FAM210A: variants seen among roughly 807,000 people sequenced by gnomAD.
FAM210A encodes family with sequence similarity 210 member A.
A neutral mutation model predicts 25.3 loss-of-function variants in FAM210A; 13 were observed. The observed-to-expected ratio is 0.51, with a 90% CI of 0.33 to 0.82. The LOEUF is 0.82. Among genes scored for constraint, FAM210A ranks in the 40% least tolerant of loss-of-function variants. The probability of loss-of-function intolerance (pLI) is 0.02; values close to 1 mark genes in which losing one functional copy is unlikely to be tolerated. For synonymous variants in FAM210A, 125 were observed against 118.7 expected, an observed-to-expected ratio of 1.05 and a Z score of -0.35; for missense variants, 319 against 323.2, an observed-to-expected ratio of 0.99 and a Z score of 0.10.
chr18:13,698,562 C>T (rs374506102), intron 1 of FAM210A, among the ~76,000 whole-genome samples: 35 of 152,028 alleles, frequency 2.3e-4, no homozygotes, highest in African/African-American at 7.5e-4. Flanking sequence ...TTTTGTAAGC[C>T]CCCCCGCCAT....
At chr18:13,715,653 TC>T (rs2043855925) in intron 1 of FAM210A, among the ~76,000 whole-genome samples, 1 of 152,244 alleles carries the variant, frequency 6.6e-6, no homozygotes, top group Non-Finnish European at 1.5e-5. Flanking sequence ...CTTCAAGATA[TC>T]ACCAAACTTG....
At chr18:13,717,810 T>G (rs2043872533) in intron 1 of FAM210A, among the ~76,000 whole-genome samples, 1 of 152,086 alleles carries the variant, frequency 6.6e-6, no homozygotes, top group African/African-American at 2.4e-5. Flanking sequence ...TATGGTATAG[T>G]AGACTAAATG....
At chr18:13,722,500 G>A (rs2043905398) in intron 1 of FAM210A, among the ~76,000 whole-genome samples, 1 of 152,200 alleles carries the variant, frequency 6.6e-6, no homozygotes. Context: ...CCTCCTCAGA[G>A]GTGGAAGAAC....
chr18:13,709,677 A>G (rs1193865125), intron 1 of FAM210A, among the ~76,000 whole-genome samples: 1 of 152,236 alleles, frequency 6.6e-6, no homozygotes, highest in Non-Finnish European at 1.5e-5. Context: ...CCCCAAGAGT[A>G]GAGCTTTTTC....
chr18:13,682,171 G>C, intron 1 of FAM210A, 66 bp from the exon 2 acceptor site: 1 of 1,076,836 alleles, frequency 9.3e-7, no homozygotes, highest in Non-Finnish European at 1.3e-6. Flanking sequence ...CAATTCATTT[G>C]AAAATCAATC....
chr18:13,713,385 A>G (rs1190776353), intron 1 of FAM210A, among the ~76,000 whole-genome samples: 1 of 152,126 alleles, frequency 6.6e-6, no homozygotes, highest in Non-Finnish European at 1.5e-5. Context: ...TATTTCTTCT[A>G]TTCTTAGTCC....
intron 3 of FAM210A, 38 bp from the exon 4 acceptor site, chr18:13,666,751 G>T: frequency 6.4e-7 from 1 of 1,556,058 alleles, no homozygotes. Context: ...TCAAAACCTG[G>T]TTATTACTGT....
intron 1 of FAM210A, among the ~76,000 whole-genome samples, chr18:13,704,207 G>C (rs1473009474): frequency 1.3e-5 from 2 of 152,162 alleles, no homozygotes; most frequent in African/African-American, 4.8e-5. Context: ...TTTGATAAAA[G>C]ATTATAAGAA....
intron 1 of FAM210A, among the ~76,000 whole-genome samples, chr18:13,695,719 G>A (rs1035062512): frequency 6.7e-6 from 1 of 149,334 alleles, no homozygotes; most frequent in African/African-American, 2.5e-5. Flanking sequence ...TGCGGTGGGT[G>A]GGGGGAGGGG....
At chr18:13,714,919 T>C (rs949792265) in intron 1 of FAM210A, among the ~76,000 whole-genome samples, 8 of 152,160 alleles carry the variant, frequency 5.3e-5, no homozygotes, top group African/African-American at 1.2e-4. Flanking sequence ...AGCGTCCTCA[T>C]GTATAACATT....
chr18:13,673,518 G>A (rs1478759704), intron 2 of FAM210A, among the ~76,000 whole-genome samples: 1 of 112,488 alleles, frequency 8.9e-6, no homozygotes, highest in Non-Finnish European at 1.8e-5. Context: ...CCGGCTTCTT[G>A]ATTTCCAGTT....
chr18:13,709,720 A>C (rs2149068175), intron 1 of FAM210A, among the ~76,000 whole-genome samples: 1 of 152,326 alleles, frequency 6.6e-6, no homozygotes, highest in African/African-American at 2.4e-5. Context: ...AGGTGCCTAA[A>C]ACTAAGGCTT....
chr18:13,674,104 A>C (rs79944094), intron 2 of FAM210A, among the ~76,000 whole-genome samples: 1 of 124,048 alleles, frequency 8.1e-6, no homozygotes, highest in Non-Finnish European at 1.7e-5. Context: ...CTTTATTTCC[A>C]GTTTCCTGAT....
intron 1 of FAM210A, among the ~76,000 whole-genome samples, chr18:13,686,120 G>T (rs2149058695): frequency 6.6e-6 from 1 of 152,226 alleles, no homozygotes. Flanking sequence ...TAAAAGAGGA[G>T]TCATAACAAC....
intron 1 of FAM210A, among the ~76,000 whole-genome samples, chr18:13,692,635 T>G (rs531748631): frequency 6.6e-5 from 10 of 152,284 alleles, no homozygotes; most frequent in African/African-American, 2.4e-4. Flanking sequence ...GACAACTTGC[T>G]CCTGAATGAC....
chr18:13,690,379 C>T (rs1786552), intron 1 of FAM210A, among the ~76,000 whole-genome samples: 9,075 of 152,260 alleles, frequency 0.06, 914 homozygotes, highest in African/African-American at 0.21. Context: ...CTGAAACATC[C>T]CCATCTGACA....
chr18:13,686,247 G>A (rs1482808068), intron 1 of FAM210A, among the ~76,000 whole-genome samples: 4 of 152,146 alleles, frequency 2.6e-5, no homozygotes, highest in Non-Finnish European at 5.9e-5. Flanking sequence ...CAGGCCCAAA[G>A]AGACATTAAA....
At chr18:13,690,173 G>C (rs955647710) in intron 1 of FAM210A, among the ~76,000 whole-genome samples, 7 of 152,228 alleles carry the variant, frequency 4.6e-5, no homozygotes, top group Non-Finnish European at 7.3e-5. Context: ...AGCAGTCTGA[G>C]ATCAAACTGC....
intron 1 of FAM210A, among the ~76,000 whole-genome samples, chr18:13,725,156 A>C (rs2043928813): frequency 6.6e-6 from 1 of 152,222 alleles, no homozygotes; most frequent in South Asian, 2.1e-4. Context: ...CAAGAAACTT[A>C]AGCATCAGGA....
Sources: allele counts gnomAD v4.1 joint callset (sites outside exome capture counted in the v4.1 genomes callset), GRCh38; gene constraint gnomAD v4.1.1; transcripts MANE v1.5; gene names NCBI Gene and HGNC (gene_info 2026-07-23, HGNC 2026-07-21).